The following DOK6 variants were observed in gnomAD, a reference collection of about 807,000 sequenced individuals.
DOK6 encodes downstream of tyrosine kinase 6.
DOK6 carries 22 observed loss-of-function variants against 44.0 expected under a neutral mutation model. The observed-to-expected ratio is 0.50, with a 90% confidence interval of 0.36 to 0.71. DOK6 has a LOEUF of 0.71. Among genes scored for constraint, DOK6 ranks in the 30% least tolerant of loss-of-function variants. DOK6 has a pLI of 0.00. For missense variants in DOK6, 340 were observed against 416.4 expected (o/e 0.82, Z 1.60); for synonymous variants, 166 against 145.5 (o/e 1.14, Z -1.01).
intron 3 of DOK6, among the ~76,000 whole-genome samples, chr18:69,623,173 G>A (rs2144639987): frequency 6.6e-6 from 1 of 152,204 alleles, no homozygotes; most frequent in East Asian, 1.9e-4. Context: ...CTGAATATAT[G>A]CCAGCTTCCC....
chr18:69,529,488 T>C (rs1415507301), intron 1 of DOK6, among the ~76,000 whole-genome samples: 2 of 152,232 alleles, frequency 1.3e-5, no homozygotes, highest in Non-Finnish European at 2.9e-5. Context: ...GTTTATTTAG[T>C]GCACTGTGCC....
intron 3 of DOK6, among the ~76,000 whole-genome samples, chr18:69,632,808 C>G (rs1984719082): frequency 6.6e-6 from 1 of 152,178 alleles, no homozygotes; most frequent in Non-Finnish European, 1.5e-5. Flanking sequence ...TGGAGCAAGA[C>G]AAAATAAGCA....
chr18:69,563,315 G>C (rs1039355362), intron 1 of DOK6, among the ~76,000 whole-genome samples: 9 of 152,136 alleles, frequency 5.9e-5, no homozygotes, highest in African/African-American at 2.2e-4. Context: ...ATACCCAAAA[G>C]ATTATAAATC....
rs544374276 is a variant in DOK6, at chr18:69,560,535, T to C, written c.67-3952T>C. Among the ~76,000 whole-genome samples the C allele has an allele frequency of 3.8e-4, 58 of 152,294 alleles. 1 individual carries two copies. The South Asian group carries it at 0.011, about 30-fold the overall frequency. Reference sequence around the variant, plus strand: ...GTATTCAATGGAATAAACGGTTTTGTTTATTGATACTATATATAATTCTCG... The same window carrying C: ...GTATTCAATGGAATAAACGGTTTTGCTTATTGATACTATATATAATTCTCG... On this transcript the variant is annotated intron_variant, in intron 1 of 7. Coordinates refer to ENST00000382713, the MANE Select transcript of DOK6 (RefSeq NM_152721.6).
Position 69,788,732 on chromosome 18 carries a change from C to T in DOK6, c.856+30859C>T, listed in dbSNP as rs146041470. The stretch of plus-strand genomic sequence containing the variant: ...AATGTACCCATGTCAGTAACAGAAT[C>T]GCTGCCAGGTAATGAAGACAGACTA... On this transcript the variant is annotated intron_variant, in intron 7 of 7. Transcript: ENST00000382713. Among the ~76,000 whole-genome samples the T allele has an allele frequency of 5.9e-5, 9 of 152,214 alleles. 1 individual carries two copies. In the East Asian group the frequency reaches 1.5e-3, roughly 26 times the overall value.
intron 1 of DOK6, among the ~76,000 whole-genome samples, chr18:69,438,513 A>G (rs1379826427): frequency 3.3e-5 from 5 of 152,156 alleles, no homozygotes; most frequent in Non-Finnish European, 7.4e-5. Context: ...AAAGTCATCC[A>G]TAAGAGTTGA....
At chr18:69,624,961 T>G (rs1258435497) in intron 3 of DOK6, among the ~76,000 whole-genome samples, 1 of 152,106 alleles carries the variant, frequency 6.6e-6, no homozygotes, top group Non-Finnish European at 1.5e-5. Context: ...CTACTAAATA[T>G]CACCTAAAAA....
intron 1 of DOK6, among the ~76,000 whole-genome samples, chr18:69,429,616 GATACATATATATATATATATAT>G (rs1389925411): frequency 1.5e-4 from 12 of 78,148 alleles, no homozygotes; most frequent in Non-Finnish European, 2.7e-4. Flanking sequence ...AATATTGAGG[GATACATATATATATATATATAT>G]ATATATATAT....
chr18:69,562,003 A>G (rs113414578), intron 1 of DOK6, among the ~76,000 whole-genome samples: 1,882 of 152,316 alleles, frequency 0.012, 44 homozygotes, highest in African/African-American at 0.041. Context: ...GTTTCCTTCT[A>G]TTGATTTCCT....
chr18:69,612,071 G>A (rs1195188559), intron 3 of DOK6, among the ~76,000 whole-genome samples: 1 of 151,994 alleles, frequency 6.6e-6, no homozygotes, highest in African/African-American at 2.4e-5. Context: ...TACCACTGGG[G>A]GAAACTGGAC....
chr18:69,715,561 G>A (rs746210274), intron 5 of DOK6, among the ~76,000 whole-genome samples: 4 of 152,212 alleles, frequency 2.6e-5, no homozygotes, highest in Non-Finnish European at 5.9e-5. Flanking sequence ...TGTCAGTCGA[G>A]TGCATTGTTA....
rs894488196 is a variant in DOK6, at chr18:69,699,729, C to G, written c.599+1136C>G. On this transcript the variant is annotated intron_variant, in intron 5 of 7. Coordinates refer to ENST00000382713, the MANE Select transcript of DOK6 (RefSeq NM_152721.6). ...AATGAATATTTTTAAGATATGTTTACTATTTTAAAAATTATGACTATGAAA... is the reference window on the plus strand; with the variant it reads ...AATGAATATTTTTAAGATATGTTTAGTATTTTAAAAATTATGACTATGAAA... Among the ~76,000 whole-genome samples, 11 of 152,280 alleles carry G rather than the reference C, an allele frequency of 7.2e-5. No individual in the cohort carries two copies. The East Asian group carries it at 2.1e-3, about 29-fold the overall frequency.
In DOK6 at chr18:69,690,247, T is replaced by C. The variant is rs993297583; in HGVS notation, c.410-8157T>C. ...GAAATGTAAGCATTCCAATTCACAG[T>C]GATCTTCGACACTGAGCAGATGGCA... On this transcript the variant is annotated intron_variant, in intron 4 of 7. Coordinates refer to ENST00000382713, the MANE Select transcript of DOK6 (RefSeq NM_152721.6). 3.6e-4 allele frequency among the ~76,000 whole-genome samples: 55 copies of C among 152,278 alleles called. No individual in the cohort carries two copies. In the Middle Eastern group the frequency reaches 0.014, roughly 38 times the overall value.
intron 2 of DOK6, among the ~76,000 whole-genome samples, chr18:69,574,262 G>A (rs1399951955): frequency 6.6e-6 from 1 of 151,994 alleles, no homozygotes; most frequent in African/African-American, 2.4e-5. Context: ...ACCAGGAGGA[G>A]ACTTGACTAA....
At chr18:69,655,798 A>T (rs143573268) in intron 3 of DOK6, among the ~76,000 whole-genome samples, 1 of 150,868 alleles carries the variant, frequency 6.6e-6, no homozygotes, top group East Asian at 1.9e-4. Flanking sequence ...AGAACAAAGC[A>T]TAAAATATGA....
chr18:69,407,125 G>T (rs1916220630), intron 1 of DOK6, among the ~76,000 whole-genome samples: 1 of 152,180 alleles, frequency 6.6e-6, no homozygotes, highest in Non-Finnish European at 1.5e-5. Flanking sequence ...TGACATAAAT[G>T]TCATCTTTTC....
intron 3 of DOK6, among the ~76,000 whole-genome samples, chr18:69,633,652 C>T (rs1029575935): frequency 3.3e-5 from 5 of 152,180 alleles, no homozygotes; most frequent in African/African-American, 1.2e-4. Context: ...CAGAACCTAT[C>T]TAAATACATT....
At chr18:69,479,641 TCTC>T (rs1436889163) in intron 1 of DOK6, among the ~76,000 whole-genome samples, 1 of 152,112 alleles carries the variant, frequency 6.6e-6, no homozygotes, top group Non-Finnish European at 1.5e-5. Context: ...AAAATATTCT[TCTC>T]CAAGTAATCA....
chr18:69,502,361 CTG>C (rs1033794623), intron 1 of DOK6, among the ~76,000 whole-genome samples: 42 of 151,926 alleles, frequency 2.8e-4, no homozygotes, highest in African/African-American at 1.0e-3. Context: ...GAGAGAGACA[CTG>C]TGGGCCAAGA....
Sources: gnomAD v4.1 joint callset for allele counts (sites outside exome capture counted in the v4.1 genomes callset) on GRCh38, gnomAD v4.1.1 for gene constraint, MANE v1.5 for transcripts, NCBI Gene and HGNC (gene_info 2026-07-23, HGNC 2026-07-21) for gene names.